Variants in SCHIP1 observed in about 807,000 individuals in gnomAD.
SCHIP1 encodes the protein schwannomin-interacting protein 1.
SCHIP1 carries 8 observed loss-of-function variants against 29.7 expected under a neutral mutation model. The ratio of observed to expected loss-of-function variants is 0.27; its 90% CI spans 0.16 to 0.49. The LOEUF is 0.49. Ranked by LOEUF, SCHIP1 falls within the 20% of genes least tolerant of loss-of-function variation. The pLI is 0.99. For missense variants in SCHIP1, 193 were observed against 294.6 expected (o/e 0.66, Z 2.52); for synonymous variants, 76 against 94.9 (o/e 0.80, Z 1.16).
At chr3:159,348,374 C>T in the SCHIP1 span, among the ~76,000 whole-genome samples, 276 of 152,162 alleles carry the variant, frequency 1.8e-3, no homozygotes, top group African/African-American at 5.9e-3. Context: ...TCTTACCAAA[C>T]GCAGTTTTAC....
the SCHIP1 span, among the ~76,000 whole-genome samples, chr3:159,825,516 CT>C: frequency 6.6e-6 from 1 of 152,216 alleles, no homozygotes; most frequent in African/African-American, 2.4e-5. Context: ...ACTTGACCAG[CT>C]TTCCCACAGG....
the SCHIP1 span, among the ~76,000 whole-genome samples, chr3:159,608,972 A>C: frequency 6.6e-6 from 1 of 152,092 alleles, no homozygotes; most frequent in Admixed American, 6.6e-5. Context: ...TTTTATTTAA[A>C]CTCCATCCAT....
the SCHIP1 span, among the ~76,000 whole-genome samples, chr3:159,383,974 G>A: frequency 1.3e-5 from 2 of 150,800 alleles, no homozygotes; most frequent in Non-Finnish European, 3.0e-5. Context: ...CTGATACTTT[G>A]CTGAAGTTGC....
the SCHIP1 span, among the ~76,000 whole-genome samples, chr3:159,786,476 A>G: frequency 3.3e-5 from 5 of 152,196 alleles, no homozygotes; most frequent in Non-Finnish European, 5.9e-5. Flanking sequence ...ATTAATTCCT[A>G]TTAGAGGTAT....
the SCHIP1 span, among the ~76,000 whole-genome samples, chr3:159,511,222 G>A: frequency 1.3e-5 from 2 of 152,236 alleles, no homozygotes; most frequent in African/African-American, 2.4e-5. Flanking sequence ...TCAGGCTGCT[G>A]TGCTAGCAAT....
chr3:159,892,944 A>T (rs935437732), intron 6 of SCHIP1: 1 of 152,246 alleles, frequency 6.6e-6, no homozygotes, highest in Admixed American at 6.5e-5. Context: ...AACAGACAGT[A>T]ATTGCTATTA....
chr3:159,789,594 C>T, the SCHIP1 span, among the ~76,000 whole-genome samples: 4 of 152,160 alleles, frequency 2.6e-5, no homozygotes, highest in East Asian at 1.9e-4. Flanking sequence ...GCTCCACACT[C>T]CTGATTCAGG....
the SCHIP1 span, among the ~76,000 whole-genome samples, chr3:159,601,735 C>G: frequency 1.3e-5 from 2 of 152,186 alleles, no homozygotes; most frequent in African/African-American, 4.8e-5. Flanking sequence ...CCAGGAGATG[C>G]CTTTTGGTGC....
the SCHIP1 span, among the ~76,000 whole-genome samples, chr3:159,700,521 G>A: frequency 6.6e-6 from 1 of 152,084 alleles, no homozygotes; most frequent in Non-Finnish European, 1.5e-5. Context: ...TGTAATGGTA[G>A]AAAAAGATGC....
chr3:159,676,112 CG>C, the SCHIP1 span, among the ~76,000 whole-genome samples: 1 of 152,130 alleles, frequency 6.6e-6, no homozygotes, highest in Non-Finnish European at 1.5e-5. Flanking sequence ...GCCTGAGCGA[CG>C]GTGCAAGACT....
chr3:159,646,254 T>C, the SCHIP1 span, among the ~76,000 whole-genome samples: 1 of 152,132 alleles, frequency 6.6e-6, no homozygotes, highest in African/African-American at 2.4e-5. Context: ...CTTCACAAGG[T>C]ACGATTAGCT....
the SCHIP1 span, among the ~76,000 whole-genome samples, chr3:159,464,041 ATGTC>A: frequency 2.6e-5 from 4 of 152,152 alleles, no homozygotes; most frequent in African/African-American, 9.6e-5. Flanking sequence ...GTCTAACTCT[ATGTC>A]TGTTCACATG....
At chr3:159,636,237 G>A in the SCHIP1 span, among the ~76,000 whole-genome samples, 7 of 152,050 alleles carry the variant, frequency 4.6e-5, no homozygotes, top group African/African-American at 1.7e-4. Flanking sequence ...TAGTAGAGAC[G>A]GGGTTTCACC....
chr3:159,367,639 G>A, the SCHIP1 span, among the ~76,000 whole-genome samples: 1 of 152,026 alleles, frequency 6.6e-6, no homozygotes, highest in African/African-American at 2.4e-5. Flanking sequence ...TAGGACACAT[G>A]GGCTTTCCTG....
chr3:159,399,600 C>A, the SCHIP1 span, among the ~76,000 whole-genome samples: 1 of 152,152 alleles, frequency 6.6e-6, no homozygotes, highest in African/African-American at 2.4e-5. Context: ...CACTCTCTCC[C>A]CTGCATTACC....
the SCHIP1 span, among the ~76,000 whole-genome samples, chr3:159,668,814 A>G: frequency 2.0e-5 from 3 of 152,108 alleles, no homozygotes. Context: ...TCCTCACTTC[A>G]TGCCATTAGA....
At chr3:159,703,029 C>T in the SCHIP1 span, among the ~76,000 whole-genome samples, 2 of 152,186 alleles carry the variant, frequency 1.3e-5, no homozygotes, top group African/African-American at 2.4e-5. Context: ...TATTCTTTAT[C>T]TACTAGTCAT....
intron 1 of SCHIP1, among the ~76,000 whole-genome samples, chr3:159,863,609 A>C (rs1289299975): frequency 6.6e-6 from 1 of 152,248 alleles, no homozygotes; most frequent in Non-Finnish European, 1.5e-5. Context: ...CACACATATG[A>C]TAAAAACTAG....
At chr3:159,858,535 T>C (rs1173924493) in intron 1 of SCHIP1, among the ~76,000 whole-genome samples, 1 of 152,210 alleles carries the variant, frequency 6.6e-6, no homozygotes, top group African/African-American at 2.4e-5. Context: ...TTTATGTCAC[T>C]TCCCTGTAGC....
Sources: gnomAD v4.1 joint callset for allele counts (sites outside exome capture counted in the v4.1 genomes callset) on GRCh38, gnomAD v4.1.1 for gene constraint, MANE v1.5 for transcripts, NCBI Gene and HGNC (gene_info 2026-07-23, HGNC 2026-07-21) for gene names.